Variants in OPCML observed in about 807,000 individuals in gnomAD.
OPCML encodes opioid binding protein/cell adhesion molecule like, also known as opioid-binding protein/cell adhesion molecule.
A neutral mutation model predicts 37.8 loss-of-function variants in OPCML; 13 were observed. That is an observed-to-expected ratio of 0.34 (90% CI 0.22 to 0.55). OPCML has a LOEUF of 0.55. OPCML is among the 20% of genes least tolerant of loss of function. The pLI, the probability that OPCML is intolerant of heterozygous loss-of-function variation, is 0.91. For synonymous variants in OPCML, 176 were observed against 168.8 expected (o/e 1.04, Z -0.33); for missense variants, 341 against 435.6 (o/e 0.78, Z 1.93).
rs2096184619 is a variant in OPCML, at chr11:132,482,529, T to C, written c.506-45170A>G. Among the ~76,000 whole-genome samples, 3 of 152,264 alleles carry C rather than the reference T, an allele frequency of 2.0e-5. No homozygotes were observed. The East Asian group carries it at 5.8e-4, about 29-fold the overall frequency. On this transcript the variant is annotated intron_variant, in intron 4 of 7. Transcript: ENST00000524381. The stretch of plus-strand genomic sequence containing the variant: ...GGTACCATTCCTTCTGAAATTATTC[T>C]AATCAATAGAAAAAGAGGGAATCAT...
At chr11:132,596,985 C>A (rs143140835) in intron 3 of OPCML, among the ~76,000 whole-genome samples, 2 of 152,128 alleles carry the variant, frequency 1.3e-5, no homozygotes, top group Admixed American at 6.5e-5. Flanking sequence ...ATATCACCAC[C>A]CTCACCCCCA....
chr11:132,992,112 G>C (rs1306233801), intron 1 of OPCML, among the ~76,000 whole-genome samples: 1 of 152,084 alleles, frequency 6.6e-6, no homozygotes, highest in African/African-American at 2.4e-5. Context: ...GAAATGCTAA[G>C]TTATCTTCCC....
At chr11:133,394,204 AG>A (rs1336516616) in intron 1 of OPCML, among the ~76,000 whole-genome samples, 1 of 152,212 alleles carries the variant, frequency 6.6e-6, no homozygotes, top group African/African-American at 2.4e-5. Context: ...AACATATTAT[AG>A]TTGCCAAATT....
intron 1 of OPCML, among the ~76,000 whole-genome samples, chr11:133,033,240 C>A (rs1947706694): frequency 6.6e-6 from 1 of 152,134 alleles, no homozygotes; most frequent in Non-Finnish European, 1.5e-5. Context: ...TTCATTTATT[C>A]CTTTTGATGA....
intron 2 of OPCML, among the ~76,000 whole-genome samples, chr11:132,667,761 CA>C (rs911220163): frequency 1.3e-5 from 2 of 151,894 alleles, no homozygotes; most frequent in African/African-American, 2.4e-5. Context: ...ATGAAGGATG[CA>C]AAAAAGTGAA....
chr11:133,363,982 C>T (rs1023405207), intron 1 of OPCML, among the ~76,000 whole-genome samples: 3 of 152,172 alleles, frequency 2.0e-5, no homozygotes, highest in Non-Finnish European at 4.4e-5. Context: ...CACAGCACAT[C>T]TGTTTTCATG....
chr11:133,339,086 T>C (rs1415830403), intron 1 of OPCML, among the ~76,000 whole-genome samples: 1 of 152,214 alleles, frequency 6.6e-6, no homozygotes, highest in Non-Finnish European at 1.5e-5. Flanking sequence ...TTTTATCTCC[T>C]ACTCCCGCAT....
At chr11:133,421,431 A>G in intron 1 of OPCML, 1 of 985,444 alleles carries the variant, frequency 1.0e-6, no homozygotes, top group Non-Finnish European at 1.2e-6. Context: ...GTTTCTCACT[A>G]GTTGCTCTTG....
rs553186110 is a variant in OPCML, at chr11:133,305,099, T to C, written c.61+227165A>G. Among the ~76,000 whole-genome samples, 24 of 152,222 alleles carry C rather than the reference T, an allele frequency of 1.6e-4. No individual in the cohort carries two copies. In the East Asian group the frequency reaches 1.7e-3, roughly 11 times the overall value. ...CTAACTTCATTCTCCCTCATTACAA[T>C]CACTATCTCTTTCTCCTATTCCTAT... is the stretch of plus-strand genomic sequence containing the variant. On this transcript the variant is annotated intron_variant, in intron 1 of 7. Coordinates refer to ENST00000524381, the MANE Select transcript of OPCML (RefSeq NM_001012393.5).
At chr11:132,600,585 G>A (rs77031272) in intron 3 of OPCML, among the ~76,000 whole-genome samples, 3 of 152,094 alleles carry the variant, frequency 2.0e-5, no homozygotes, top group Admixed American at 1.3e-4. Context: ...TTTGTACACC[G>A]ACTGACTAGT....
At chr11:132,899,092 C>A (rs1465084670) in intron 2 of OPCML, among the ~76,000 whole-genome samples, 1 of 152,124 alleles carries the variant, frequency 6.6e-6, no homozygotes, top group African/African-American at 2.4e-5. Context: ...GACCCAGATT[C>A]CTCAGGAATA....
At chr11:133,355,501 C>G (rs773931759) in intron 1 of OPCML, among the ~76,000 whole-genome samples, 1 of 152,164 alleles carries the variant, frequency 6.6e-6, no homozygotes, top group African/African-American at 2.4e-5. Context: ...AAAAAAACTT[C>G]TAGGTCATTC....
intron 2 of OPCML, among the ~76,000 whole-genome samples, chr11:132,896,087 T>A (rs1270533413): frequency 6.6e-6 from 1 of 151,970 alleles, no homozygotes; most frequent in Non-Finnish European, 1.5e-5. Flanking sequence ...GCTCAGGGAG[T>A]GAGTTTGTTT....
chr11:132,690,560 A>G (rs937993747), intron 2 of OPCML, among the ~76,000 whole-genome samples: 1 of 152,224 alleles, frequency 6.6e-6, no homozygotes, highest in Non-Finnish European at 1.5e-5. Context: ...GTCTTAAGAC[A>G]GAGGAAGAGA....
intron 1 of OPCML, among the ~76,000 whole-genome samples, chr11:133,056,681 G>A (rs1439130526): frequency 1.3e-5 from 2 of 152,082 alleles, no homozygotes; most frequent in African/African-American, 4.8e-5. Context: ...TTTAATCTCT[G>A]CCAAGCCCTC....
intron 2 of OPCML, among the ~76,000 whole-genome samples, chr11:132,743,119 C>T (rs1479769426): frequency 2.0e-5 from 3 of 152,078 alleles, no homozygotes; most frequent in Non-Finnish European, 2.9e-5. Flanking sequence ...TGCATGACAA[C>T]GTCATGCTCG....
At chr11:133,052,145 T>G (rs911482173) in intron 1 of OPCML, among the ~76,000 whole-genome samples, 1 of 152,212 alleles carries the variant, frequency 6.6e-6, no homozygotes, top group African/African-American at 2.4e-5. Flanking sequence ...TTCTGATGAG[T>G]AGGACATTAA....
At chr11:133,029,322 G>A (rs1349504602) in intron 1 of OPCML, among the ~76,000 whole-genome samples, 5 of 152,134 alleles carry the variant, frequency 3.3e-5, no homozygotes, top group Non-Finnish European at 7.4e-5. Flanking sequence ...GATTTCTCAC[G>A]GAACTAAAAA....
intron 1 of OPCML, among the ~76,000 whole-genome samples, chr11:133,339,500 C>T (rs1003693334): frequency 6.6e-6 from 1 of 152,156 alleles, no homozygotes; most frequent in Non-Finnish European, 1.5e-5. Context: ...TCCTCTGAGC[C>T]AAGGAAGCTT....
Sources: gnomAD v4.1 joint callset for allele counts (sites outside exome capture counted in the v4.1 genomes callset) on GRCh38, gnomAD v4.1.1 for gene constraint, MANE v1.5 for transcripts, NCBI Gene and HGNC (gene_info 2026-07-23, HGNC 2026-07-21) for gene names.